OR5K1: variants seen among roughly 807,000 people sequenced by gnomAD.
OR5K1 encodes olfactory receptor family 5 subfamily K member 1.
In OR5K1, 7 loss-of-function variants were observed where a neutral mutation model predicts 10.4. That is an observed-to-expected ratio of 0.67 (90% confidence interval 0.38 to 1.26). The LOEUF is 1.26. OR5K1 is among the 50% of genes most tolerant of loss of function. OR5K1 has a pLI of 0.02. For synonymous variants in OR5K1, 135 were observed against 128.5 expected, an observed-to-expected ratio of 1.05 and a Z score of -0.34; for missense variants, 435 against 366.2, an observed-to-expected ratio of 1.19 and a Z score of -1.53.
chr3:98,463,829 G>C (rs1705339258), intron 1 of OR5K1, among the ~76,000 whole-genome samples: 1 of 152,008 alleles, frequency 6.6e-6, no homozygotes, highest in African/African-American at 2.4e-5. Flanking sequence ...ATTTCTATCT[G>C]ACCAATGGAC....
chr3:98,469,529 T>C (rs771693179), intron 1 of OR5K1, 37 bp from the exon 2 acceptor site: 5 of 1,562,508 alleles, frequency 3.2e-6, no homozygotes, highest in South Asian at 1.2e-5. Flanking sequence ...TGGCATATTA[T>C]AAATTAGTGC....
intron 1 of OR5K1, among the ~76,000 whole-genome samples, chr3:98,464,917 A>G (rs887125855): frequency 6.6e-6 from 1 of 152,202 alleles, no homozygotes; most frequent in South Asian, 2.1e-4. Context: ...CATTATTCAC[A>G]GTAGAATTGT....
At chr3:98,464,996 G>A (rs182774356) in intron 1 of OR5K1, among the ~76,000 whole-genome samples, 51 of 152,240 alleles carry the variant, frequency 3.3e-4, no homozygotes, top group Admixed American at 2.8e-3. Flanking sequence ...AAACACTGCA[G>A]ACCTAAGAGC....
rs1294934186 is a variant in OR5K1 at position 98,472,574 on chromosome 3, C to T, written c.*2071C>T. The stretch of plus-strand genomic sequence containing the variant: ...CTGAATCCTTAATTCTAGGATGATA[C>T]TTAGTTTTCACATCATTACAAATGT... On this transcript the variant is annotated 3_prime_UTR_variant, in exon 2 of 2. Transcript: ENST00000642057. 6.6e-6 allele frequency: 1 copy of T among 151,900 alleles called. No individual in the cohort carries two copies. The highest frequency in any genetic ancestry group is 2.4e-5 in the African/African-American group (1 of 41,352). 9.4% of individuals were successfully genotyped at this position (151,900 alleles called of 1,614,324 possible).
In OR5K1 at chr3:98,470,353, CG is replaced by C. The variant is rs1559641010; in HGVS notation, c.778del (p.Val260LeufsTer21). ...LFYGSLFFMY[V>X]RPNLLEEGDK... ...TCTATGGATCTCTTTTCTTCATGTA[CG>C]TTAGACCAAATTTGCTTGAAGAAGG... On this transcript the variant is annotated frameshift_variant, in exon 2 of 2. Coordinates refer to ENST00000642057, the MANE Select transcript of OR5K1 (RefSeq NM_001004736.4). LOFTEE classifies it high-confidence loss of function. 1 of 1,613,118 alleles carries C rather than the reference CG, an allele frequency of 6.2e-7. No homozygotes were observed. Among genetic ancestry groups the C allele is most frequent in the South Asian group, 1.1e-5 (1 of 91,052 alleles).
rs770823045 is a variant in OR5K1 at position 98,470,011 on chromosome 3, C to A, written c.435C>A (p.Thr145=). 4 of 1,613,512 alleles carry A rather than the reference C, an allele frequency of 2.5e-6. No individual in the cohort carries two copies. The highest frequency in any genetic ancestry group is 1.3e-5 in the African/African-American group (1 of 74,864). The change falls in exon 2 of 2, where the codon ACC becomes ACA. Residue 145 remains threonine (T), a synonymous_variant. Transcript: ENST00000642057. ...MMSKKLCIQM[T]TGAFIAGNLH... is the part of the protein sequence containing the mutation. The stretch of plus-strand genomic sequence containing the variant: ...CCAAGAAACTCTGCATTCAGATGAC[C>A]ACAGGGGCCTTCATAGCTGGAAACC...
At position 98,465,159 on chromosome 3, in the gene OR5K1, T is replaced by A. The variant is rs544068854; in HGVS notation, c.-12+1852T>A. 1.9e-3 allele frequency among the ~76,000 whole-genome samples: 283 copies of A among 152,342 alleles called. 4 individuals are homozygous for A. The highest frequency in any genetic ancestry group is 7.5e-3 in the South Asian group (36 of 4,830). On this transcript the variant is annotated intron_variant, in intron 1 of 1. Transcript: ENST00000642057. ...ATAGAAAAAACTAGTAATATTTTGA[T>A]GTATTGTCATGCTACTTTTTTTAAC...
rs943015251 is a variant in OR5K1, at chr3:98,472,200, G to A, written c.*1697G>A. The A allele has an allele frequency of 6.6e-6, 1 of 151,358 alleles. No homozygotes were observed. Among genetic ancestry groups the A allele is most frequent in the Admixed American group, 6.6e-5 (1 of 15,134 alleles). The allele number at this position is 151,358 out of a possible 1,614,324, so 9.4% of individuals were successfully genotyped here. ...GGCTGCATTGATTTTCAGCTAAAAT[G>A]TCTATTTATCCAACCCACAAGGCTT... On this transcript the variant is annotated 3_prime_UTR_variant, in exon 2 of 2. Transcript: ENST00000642057.
In OR5K1 at chr3:98,470,016, G is replaced by A. The variant is rs1451538384; in HGVS notation, c.440G>A (p.Gly147Glu). 3.1e-6 allele frequency: 5 copies of A among 1,613,588 alleles called. No individual in the cohort carries two copies. Among genetic ancestry groups the A allele is most frequent in the Non-Finnish European group, 4.2e-6 (5 of 1,179,768 alleles). The change falls in exon 2 of 2, where the codon GGG (glycine) becomes GAG (glutamate). Residue 147 changes from glycine (G) to glutamate (E), a missense_variant. By Grantham distance (98) the Gly-to-Glu change is moderately conservative (BLOSUM62 -2). Coordinates refer to ENST00000642057, the MANE Select transcript of OR5K1 (RefSeq NM_001004736.4). ...AAACTCTGCATTCAGATGACCACAG[G>A]GGCCTTCATAGCTGGAAACCTGCAT... ...SKKLCIQMTT[G>E]AFIAGNLHSM... is the part of the protein sequence containing the mutation.
chr3:98,465,965 G>A (rs2107088332), intron 1 of OR5K1, among the ~76,000 whole-genome samples: 1 of 151,212 alleles, frequency 6.6e-6, no homozygotes, highest in South Asian at 2.1e-4. Flanking sequence ...AGTTACATAT[G>A]TATACATGTG....
At chr3:98,466,032 A>G (rs890062489) in intron 1 of OR5K1, among the ~76,000 whole-genome samples, 38 of 151,928 alleles carry the variant, frequency 2.5e-4, no homozygotes, top group East Asian at 1.7e-3. Context: ...ATATCTCCCA[A>G]TGCTATCCCT....
chr3:98,469,977 T>A lies in OR5K1; in HGVS notation c.401T>A (p.Ile134Asn). The A allele has an allele frequency of 1.2e-6, 2 of 1,613,694 alleles. No homozygotes were observed. The highest frequency in any genetic ancestry group is 1.7e-6 in the Non-Finnish European group (2 of 1,179,794). ...ATATGCAACCCACTGCAGTACCACA[T>A]CATGATGTCCAAGAAACTCTGCATT... is the stretch of plus-strand genomic sequence containing the variant. ...VAICNPLQYH[I>N]MMSKKLCIQM... Residue 134 changes from isoleucine to asparagine, a missense_variant, in exon 2 of 2, where the codon ATC becomes AAC. Ile to Asn is a moderately radical substitution (Grantham distance 149). Coordinates refer to ENST00000642057, the MANE Select transcript of OR5K1 (RefSeq NM_001004736.4).
intron 1 of OR5K1, among the ~76,000 whole-genome samples, chr3:98,467,711 T>C (rs1470597516): frequency 8.0e-6 from 1 of 125,346 alleles, no homozygotes; most frequent in Non-Finnish European, 1.6e-5. Context: ...TGTCTGTTGT[T>C]GGTGTATAAG....
chr3:98,469,834 T>G lies in OR5K1; in HGVS notation c.258T>G (p.Phe86Leu), dbSNP rs193083707. Residue 86 changes from phenylalanine to leucine, a missense_variant, in exon 2 of 2, where the codon TTT becomes TTG. Physicochemically the swap from Phe to Leu is conservative, Grantham distance 22 (BLOSUM62 0). Coordinates refer to ENST00000642057, the MANE Select transcript of OR5K1 (RefSeq NM_001004736.4). The stretch of plus-strand genomic sequence containing the variant: ...CCCCCAAAATGTTAGAGAACTTCTT[T>G]TCTGAGAACAAAAGGATTTCCCTCT... ...AITPKMLENF[F>L]SENKRISLYE... 4.8e-4 allele frequency: 770 copies of G among 1,613,784 alleles called. 1 individual carries two copies. The African/African-American group carries it at 7.7e-3, about 16-fold the overall frequency.
chr3:98,472,121 T>C lies in OR5K1; in HGVS notation c.*1618T>C, dbSNP rs969997002. 2.6e-5 allele frequency: 4 copies of C among 152,012 alleles called. No homozygotes were observed. The highest frequency in any genetic ancestry group is 5.9e-5 in the Non-Finnish European group (4 of 67,988). 9.4% of individuals were successfully genotyped at this position (152,012 alleles called of 1,614,324 possible). A position where few individuals can be genotyped will look rare whatever the true frequency, so the allele number is the denominator to read the frequency against. On this transcript the variant is annotated 3_prime_UTR_variant, in exon 2 of 2. Transcript: ENST00000642057. ...TGTTTGAGCCTATTTGACCCGTTGG[T>C]TATTTCTTCATGCCACCATCACTTC... is the stretch of plus-strand genomic sequence containing the variant.
Position 98,471,015 on chromosome 3 carries a change from C to G in OR5K1, c.*512C>G, listed in dbSNP as rs535806485. ...AATTTTGAGAAATCAATTTTAATAG[C>G]ATTATGGGGACATTACTGTAGTTAG... On this transcript the variant is annotated 3_prime_UTR_variant, in exon 2 of 2. Transcript: ENST00000642057. 1 of 152,290 alleles carries G rather than the reference C, an allele frequency of 6.6e-6. No homozygotes were observed. The highest frequency in any genetic ancestry group is 1.9e-4 in the East Asian group (1 of 5,156). The allele number at this position is 152,290 out of a possible 1,614,324, so 9.4% of individuals were successfully genotyped here. A position where few individuals can be genotyped will look rare whatever the true frequency, so the allele number is the denominator to read the frequency against.
In OR5K1 at chr3:98,470,688, G is replaced by T; in HGVS notation, c.*185G>T. 2.6e-6 allele frequency: 1 copy of T among 389,152 alleles called. No individual in the cohort carries two copies. Among genetic ancestry groups the T allele is most frequent in the Non-Finnish European group, 4.6e-6 (1 of 217,648 alleles). 24.1% of individuals were successfully genotyped at this position (389,152 alleles called of 1,614,324 possible). A position where few individuals can be genotyped will look rare whatever the true frequency, so the allele number is the denominator to read the frequency against. ...AATATACAAAAAAGAGTAAACTGTG[G>T]TAAATCTTAATTCAAAATAACAAAA... On this transcript the variant is annotated 3_prime_UTR_variant, in exon 2 of 2. Coordinates refer to ENST00000642057, the MANE Select transcript of OR5K1 (RefSeq NM_001004736.4).
chr3:98,468,188 C>A (rs74283818), intron 1 of OR5K1, among the ~76,000 whole-genome samples: 1 of 151,858 alleles, frequency 6.6e-6, no homozygotes, highest in Non-Finnish European at 1.5e-5. Flanking sequence ...TCCTCCCCAC[C>A]CCAGAGGGGT....
chr3:98,469,278 A>G, intron 1 of OR5K1, among the ~76,000 whole-genome samples: 1 of 152,074 alleles, frequency 6.6e-6, no homozygotes, highest in Non-Finnish European at 1.5e-5. Context: ...AGTGGGGCCT[A>G]CTTGACAGTG....
Sources: allele counts gnomAD v4.1 joint callset (sites outside exome capture counted in the v4.1 genomes callset), GRCh38; gene constraint gnomAD v4.1.1; transcripts MANE v1.5; gene names NCBI Gene and HGNC (gene_info 2026-07-23, HGNC 2026-07-21).